Variants in MORN1 observed in about 807,000 individuals in gnomAD.
MORN1 encodes MORN repeat containing 1, also known as MORN repeat-containing protein 1.
A neutral mutation model predicts 61.9 loss-of-function variants in MORN1; 67 were observed. The ratio of observed to expected loss-of-function variants is 1.08; its 90% CI spans 0.89 to 1.33. MORN1 has a LOEUF of 1.33. Among genes scored for constraint, MORN1 ranks in the 40% most tolerant of loss-of-function variants. The pLI, the probability that MORN1 is intolerant of heterozygous loss-of-function variation, is 0.00. For synonymous variants in MORN1, 301 were observed against 292.0 expected (o/e 1.03, Z -0.31); for missense variants, 752 against 691.2 (o/e 1.09, Z -0.99).
In MORN1 at chr1:2,390,020, A is replaced by G. The variant is rs759480790; in HGVS notation, c.77-24T>C. 21 of 1,592,556 alleles carry G rather than the reference A, an allele frequency of 1.3e-5. No homozygotes were observed. In the South Asian group the frequency reaches 2.0e-4, roughly 15 times the overall value. Reference sequence around the variant, plus strand: ...ACCTGAGTATTGAGAAGACACACACAGGTAAGCACAGACACAGAGATGAGG... The same window carrying G: ...ACCTGAGTATTGAGAAGACACACACGGGTAAGCACAGACACAGAGATGAGG... On this transcript the variant is annotated intron_variant, in intron 1 of 13. Transcript: ENST00000378531.
At chr1:2,367,306 C>CAAAA (rs56188781) in intron 8 of MORN1, among the ~76,000 whole-genome samples, 2 of 132,806 alleles carry the variant, frequency 1.5e-5, no homozygotes, top group Admixed American at 7.5e-5. Flanking sequence ...ATTGCTCTAT[C>CAAAA]AAAAAAAAAA....
chr1:2,339,045 C>G (rs982869485), intron 10 of MORN1, among the ~76,000 whole-genome samples: 2 of 152,160 alleles, frequency 1.3e-5, no homozygotes, highest in African/African-American at 4.8e-5. Flanking sequence ...CGTGGGGTCC[C>G]CTGGAGGTGC....
At chr1:2,323,447 C>T (rs759173980) in intron 13 of MORN1, 57 of 985,286 alleles carry the variant, frequency 5.8e-5, no homozygotes, top group East Asian at 1.1e-4. Flanking sequence ...CTCCATTCTC[C>T]GTCAGGCAGC....
intron 6 of MORN1, chr1:2,378,550 A>G (rs1051368850): frequency 8.6e-6 from 2 of 233,828 alleles, no homozygotes; most frequent in Admixed American, 5.2e-5. Context: ...TGCTCCGTGC[A>G]GTGAGCAGGT....
At chr1:2,373,683 G>A (rs1450596023) in intron 7 of MORN1, among the ~76,000 whole-genome samples, 1 of 152,202 alleles carries the variant, frequency 6.6e-6, no homozygotes, top group Non-Finnish European at 1.5e-5. Context: ...GCGTGCGGGT[G>A]CTGGGACCCA....
chr1:2,374,202 T>C (rs1156956777), intron 7 of MORN1, among the ~76,000 whole-genome samples: 4 of 152,190 alleles, frequency 2.6e-5, no homozygotes, highest in Non-Finnish European at 4.4e-5. Flanking sequence ...CAGAGGCCAC[T>C]TGGGGGACAG....
chr1:2,331,323 C>A (rs1179487868), intron 12 of MORN1, among the ~76,000 whole-genome samples: 1 of 152,226 alleles, frequency 6.6e-6, no homozygotes, highest in Non-Finnish European at 1.5e-5. Flanking sequence ...CGGGCCAGGG[C>A]AGCCTTGGCC....
At chr1:2,380,298 T>C (rs1412928670) in intron 6 of MORN1, among the ~76,000 whole-genome samples, 1 of 152,142 alleles carries the variant, frequency 6.6e-6, no homozygotes, top group Non-Finnish European at 1.5e-5. Context: ...GATGTGGTTG[T>C]GGCTACACGA....
Position 2,388,243 on chromosome 1 carries a change from C to CT in MORN1, c.242_243insA (p.Trp81Ter). ...ITGEGRRHWA[W>*]SGDTFSGQFV... ...GCCATCCCAGCTAGAGCTCACCTGA[C>CT]CAGGCCCAGTGCCGGCGGCCTTCTC... Residue 81 changes from tryptophan (W) to a stop codon, truncating the protein, a stop_gained and frameshift_variant, in exon 3 of 14, where the codon TGG becomes TGAG. Transcript: ENST00000378531. LOFTEE classifies it high-confidence loss of function. 2 of 1,613,388 alleles carry CT rather than the reference C, an allele frequency of 1.2e-6. No homozygotes were observed. The highest frequency in any genetic ancestry group is 1.7e-4 in the Middle Eastern group (1 of 6,054).
chr1:2,371,001 C>T (rs1286819071), intron 8 of MORN1, among the ~76,000 whole-genome samples: 2 of 151,618 alleles, frequency 1.3e-5, no homozygotes, highest in Non-Finnish European at 1.5e-5. Context: ...GTCAGGAGAT[C>T]GAGACCATCC....
Position 2,322,319 on chromosome 1 carries a change from G to T in MORN1, c.1298-740C>A, listed in dbSNP as rs191374206. The T allele has an allele frequency of 5.4e-5, 53 of 985,450 alleles. No individual in the cohort carries two copies. In the Admixed American group the frequency reaches 3.3e-3, roughly 60 times the overall value. 61.0% of individuals were successfully genotyped at this position (985,450 alleles called of 1,614,324 possible). A position where few individuals can be genotyped will look rare whatever the true frequency, so the allele number is the denominator to read the frequency against. On this transcript the variant is annotated intron_variant, in intron 13 of 13. Transcript: ENST00000378531. ...CACCGGAGCGTGGAAAAAGCGCCTC[G>T]GCTGGCCCGGGCTCACACCAGGAAT...
chr1:2,356,038 A>G (rs1274363496), intron 10 of MORN1, among the ~76,000 whole-genome samples: 1 of 152,014 alleles, frequency 6.6e-6, no homozygotes, highest in Non-Finnish European at 1.5e-5. Flanking sequence ...GGAGGGTTGG[A>G]GTTGGGGGAT....
chr1:2,361,102 G>C (rs1477959345), intron 8 of MORN1, among the ~76,000 whole-genome samples: 3 of 152,196 alleles, frequency 2.0e-5, no homozygotes, highest in African/African-American at 7.2e-5. Context: ...GGCATGCAAA[G>C]AATGCAGGAA....
chr1:2,331,100 C>T (rs1354472756), intron 12 of MORN1, among the ~76,000 whole-genome samples: 3 of 152,180 alleles, frequency 2.0e-5, no homozygotes, highest in Non-Finnish European at 4.4e-5. Context: ...TCTGTGTCTA[C>T]CGCCCACTAC....
intron 8 of MORN1, among the ~76,000 whole-genome samples, chr1:2,361,417 G>A (rs1641888001): frequency 6.6e-6 from 1 of 152,084 alleles, no homozygotes. Flanking sequence ...AATTAGCTGG[G>A]TGTGGTGGCA....
At chr1:2,391,240 T>G (rs1236690787) in intron 1 of MORN1, among the ~76,000 whole-genome samples, 1 of 152,054 alleles carries the variant, frequency 6.6e-6, no homozygotes, top group Admixed American at 6.5e-5. Flanking sequence ...GGGCTTGGCC[T>G]GCTGCGGGAG....
At chr1:2,385,552 G>GT (rs1332863274) in intron 5 of MORN1, 3 of 287,844 alleles carry the variant, frequency 1.0e-5, no homozygotes, top group Non-Finnish European at 1.9e-5. Flanking sequence ...TTTTAATCGG[G>GT]GGGGGGGGGG....
chr1:2,342,897 TTTTA>T (rs1641433675), intron 10 of MORN1, among the ~76,000 whole-genome samples: 1 of 145,724 alleles, frequency 6.9e-6, no homozygotes, highest in Non-Finnish European at 1.5e-5. Context: ...TTTTATTTTA[TTTTA>T]TTTTATTTTA....
intron 12 of MORN1, among the ~76,000 whole-genome samples, chr1:2,333,547 G>A (rs1033098020): frequency 7.9e-5 from 12 of 152,224 alleles, no homozygotes; most frequent in African/African-American, 2.9e-4. Flanking sequence ...CCCGAGGGAG[G>A]TCTCGGACCT....
Sources: gnomAD v4.1 joint callset for allele counts (sites outside exome capture counted in the v4.1 genomes callset) on GRCh38, gnomAD v4.1.1 for gene constraint, MANE v1.5 for transcripts, NCBI Gene and HGNC (gene_info 2026-07-23, HGNC 2026-07-21) for gene names.